ST3GAL3: variants seen among roughly 807,000 people sequenced by gnomAD.
The protein encoded by ST3GAL3 is CMP-N-acetylneuraminate-beta-1,4-galactoside alpha-2,3-sialyltransferase.
Under a neutral mutation model 50.1 loss-of-function variants are expected in ST3GAL3, and 21 were observed. The observed-to-expected ratio is 0.42, with a 90% CI of 0.30 to 0.60. ST3GAL3 has a LOEUF of 0.60. Among genes scored for constraint, ST3GAL3 ranks in the 20% least tolerant of loss-of-function variants. The pLI is 0.19. For synonymous variants in ST3GAL3, 183 were observed against 190.0 expected (o/e 0.96, Z 0.30); for missense variants, 353 against 489.4 (o/e 0.72, Z 2.63).
chr1:43,767,789 G>A (rs970236582), intron 2 of ST3GAL3, among the ~76,000 whole-genome samples: 22 of 149,734 alleles, frequency 1.5e-4, no homozygotes, highest in Middle Eastern at 6.8e-3. Context: ...AAACCTGCAC[G>A]TTCTGCACAT....
chr1:43,834,891 G>C (rs2064079824), intron 4 of ST3GAL3, among the ~76,000 whole-genome samples: 1 of 152,228 alleles, frequency 6.6e-6, no homozygotes, highest in Non-Finnish European at 1.5e-5. Context: ...CTCTGTGACA[G>C]TTTCTGATTC....
chr1:43,858,405 G>A (rs530041335), intron 5 of ST3GAL3: 1 of 1,088,468 alleles, frequency 9.2e-7, no homozygotes, highest in Non-Finnish European at 1.2e-6. Context: ...GAACTGTAGG[G>A]ATGCTTAGAA....
At chr1:43,813,615 A>C (rs574068341) in intron 3 of ST3GAL3, among the ~76,000 whole-genome samples, 1 of 152,306 alleles carries the variant, frequency 6.6e-6, no homozygotes, top group African/African-American at 2.4e-5. Context: ...TTCACAGCTC[A>C]GATGATTTTG....
At position 43,893,023 on chromosome 1, in the gene ST3GAL3, G is replaced by T. The variant is rs570975706; in HGVS notation, c.303-1360G>T. 1.5e-3 allele frequency among the ~76,000 whole-genome samples: 236 copies of T among 152,324 alleles called. 1 individual carries two copies. The highest frequency in any genetic ancestry group is 5.5e-3 in the African/African-American group (230 of 41,574). Reference sequence around the variant, plus strand: ...GACTCAGTTGCTGGGACCCAACTCAGAGCTCCCAAGTGTTGACATCTTCCT... The same window carrying T: ...GACTCAGTTGCTGGGACCCAACTCATAGCTCCCAAGTGTTGACATCTTCCT... On this transcript the variant is annotated intron_variant, in intron 5 of 11. Coordinates refer to ENST00000347631, the MANE Select transcript of ST3GAL3 (RefSeq NM_006279.5).
intron 5 of ST3GAL3, chr1:43,842,697 T>C (rs1455142932): frequency 3.3e-5 from 5 of 151,196 alleles, no homozygotes; most frequent in African/African-American, 1.2e-4. Context: ...TCCCATCTAC[T>C]TGGGAGGCTG....
At chr1:43,801,852 C>T (rs1271602262) in intron 3 of ST3GAL3, among the ~76,000 whole-genome samples, 2 of 151,912 alleles carry the variant, frequency 1.3e-5, no homozygotes, top group Non-Finnish European at 2.9e-5. Flanking sequence ...AGCATTGCAC[C>T]TCTAGTCCCA....
At chr1:43,880,062 G>C (rs908469549) in intron 5 of ST3GAL3, among the ~76,000 whole-genome samples, 1 of 152,176 alleles carries the variant, frequency 6.6e-6, no homozygotes, top group African/African-American at 2.4e-5. Context: ...TGGTCTGGTT[G>C]GCCCTGGAAA....
intron 1 of ST3GAL3, among the ~76,000 whole-genome samples, chr1:43,715,588 A>AC (rs1377821188): frequency 6.6e-6 from 1 of 151,812 alleles, no homozygotes; most frequent in Non-Finnish European, 1.5e-5. Context: ...AAAAAAAAAA[A>AC]AGTTCAGCCT....
At chr1:43,784,567 T>C (rs989606620) in intron 2 of ST3GAL3, among the ~76,000 whole-genome samples, 3 of 152,230 alleles carry the variant, frequency 2.0e-5, no homozygotes, top group African/African-American at 7.2e-5. Flanking sequence ...TAGAGACTTG[T>C]AATATCGTTA....
At chr1:43,923,263 CA>C (rs35151641) in intron 11 of ST3GAL3, among the ~76,000 whole-genome samples, 94,176 of 120,298 alleles carry the variant, frequency 0.78, 37,913 homozygotes, top group Non-Finnish European at 0.9. Flanking sequence ...GACCCTGTCT[CA>C]AAAAAAAAAA....
intron 2 of ST3GAL3, among the ~76,000 whole-genome samples, chr1:43,769,946 C>T (rs940400734): frequency 2.6e-5 from 4 of 151,802 alleles, no homozygotes; most frequent in African/African-American, 7.3e-5. Flanking sequence ...GATAAAGAAG[C>T]GAGTACAGAA....
At chr1:43,820,687 A>G (rs2061984217) in intron 4 of ST3GAL3, among the ~76,000 whole-genome samples, 2 of 152,144 alleles carry the variant, frequency 1.3e-5, no homozygotes, top group Admixed American at 6.5e-5. Context: ...TTGTATCTAC[A>G]TGACAAAATC....
intron 1 of ST3GAL3, among the ~76,000 whole-genome samples, chr1:43,722,202 G>GTA (rs540986833): frequency 3.3e-5 from 5 of 152,182 alleles, no homozygotes; most frequent in Non-Finnish European, 7.3e-5. Context: ...TAAAAGATAA[G>GTA]TAAGAGTTGG....
chr1:43,911,302 C>G (rs1245035276), intron 9 of ST3GAL3: 1 of 151,600 alleles, frequency 6.6e-6, no homozygotes, highest in Non-Finnish European at 1.5e-5. Context: ...ACCCACCACA[C>G]CTGACTAATA....
At chr1:43,802,567 A>C (rs1475813307) in intron 3 of ST3GAL3, among the ~76,000 whole-genome samples, 1 of 152,264 alleles carries the variant, frequency 6.6e-6, no homozygotes, top group African/African-American at 2.4e-5. Context: ...ATGTGAGAAC[A>C]GGTGTGTTGC....
intron 3 of ST3GAL3, among the ~76,000 whole-genome samples, chr1:43,792,536 G>C (rs1448086275): frequency 6.6e-6 from 1 of 152,170 alleles, no homozygotes; most frequent in Non-Finnish European, 1.5e-5. Flanking sequence ...TAGAATGCTG[G>C]GCTGGTGGGA....
intron 1 of ST3GAL3, among the ~76,000 whole-genome samples, chr1:43,717,879 T>G (rs1222105463): frequency 6.6e-6 from 1 of 152,108 alleles, no homozygotes; most frequent in Admixed American, 6.6e-5. Flanking sequence ...GAATTTTTTT[T>G]TTTTTTAAAT....
In ST3GAL3 at chr1:43,781,608, C is replaced by CAA. The variant is rs34427804; in HGVS notation, c.119-10481_119-10480dup. On this transcript the variant is annotated intron_variant, in intron 2 of 11. Transcript: ENST00000347631. ...CCTGGGTGGCAGAGCAAGACTGTCT[C>CAA]AAAAAAAAAAAAAAGATTTTTACAT... is the stretch of plus-strand genomic sequence containing the variant. Among the ~76,000 whole-genome samples, 855 of 123,738 alleles carry CAA rather than the reference C, an allele frequency of 6.9e-3. 15 individuals carry two copies. Among genetic ancestry groups the CAA allele is most frequent in the African/African-American group, 0.023 (765 of 32,814 alleles). The allele number at this position is 123,738 out of a possible 152,430, so 81.2% of individuals were successfully genotyped here.
intron 3 of ST3GAL3, among the ~76,000 whole-genome samples, chr1:43,810,008 A>G (rs1029690455): frequency 1.3e-5 from 2 of 149,918 alleles, no homozygotes; most frequent in African/African-American, 5.0e-5. Context: ...AAAAAAAAAA[A>G]AGAAAGAAAG....
Sources: allele counts gnomAD v4.1 joint callset (sites outside exome capture counted in the v4.1 genomes callset), GRCh38; gene constraint gnomAD v4.1.1; transcripts MANE v1.5; gene names NCBI Gene and HGNC (gene_info 2026-07-23, HGNC 2026-07-21).